GPR107: variants seen among roughly 807,000 people sequenced by gnomAD.
The protein encoded by GPR107 is protein GPR107.
GPR107 carries 31 observed loss-of-function variants against 75.5 expected under a neutral mutation model. The observed-to-expected ratio is 0.41, with a 90% CI of 0.31 to 0.55. The LOEUF is 0.55. Ranked by LOEUF, GPR107 falls within the 20% of genes least tolerant of loss-of-function variation. The pLI is 0.26. For synonymous variants in GPR107, 267 were observed against 251.3 expected (o/e 1.06, Z -0.59); for missense variants, 572 against 665.7 (o/e 0.86, Z 1.55).
chr9:130,105,554 G>T (rs1314149550), intron 13 of GPR107, among the ~76,000 whole-genome samples: 2 of 151,894 alleles, frequency 1.3e-5, no homozygotes, highest in Non-Finnish European at 2.9e-5. Flanking sequence ...ACCGCAGCTG[G>T]CTGAGGTGCT....
rs1831967411 is a variant in GPR107, at chr9:130,136,737, T to A, written c.*1616T>A. 6.6e-6 allele frequency: 1 copy of A among 152,306 alleles called. No individual in the cohort carries two copies. Among genetic ancestry groups the A allele is most frequent in the African/African-American group, 2.4e-5 (1 of 41,470 alleles). 9.4% of individuals were successfully genotyped at this position (152,306 alleles called of 1,614,324 possible). A position where few individuals can be genotyped will look rare whatever the true frequency, so the allele number is the denominator to read the frequency against. On this transcript the variant is annotated 3_prime_UTR_variant, in exon 18 of 18. Transcript: ENST00000347136. ...AATGAGGAAGCGGGTGTTCTTTTTC[T>A]GCACTTTGATTCGCCATCTGGGTTC...
At chr9:130,091,911 G>C (rs1265159583) in intron 8 of GPR107, among the ~76,000 whole-genome samples, 1 of 152,016 alleles carries the variant, frequency 6.6e-6, no homozygotes, top group Non-Finnish European at 1.5e-5. Context: ...GGCCAGGCTG[G>C]TCTTGAACTC....
At chr9:130,075,330 C>T (rs1416063300) in intron 1 of GPR107, among the ~76,000 whole-genome samples, 6 of 150,652 alleles carry the variant, frequency 4.0e-5, no homozygotes, top group Non-Finnish European at 7.4e-5. Context: ...CTGCAACCTC[C>T]ACCTCCCAGG....
chr9:130,136,834 C>T lies in GPR107; in HGVS notation c.*1713C>T, dbSNP rs1472802048. 3.3e-5 allele frequency: 5 copies of T among 152,214 alleles called. No individual in the cohort carries two copies. Among genetic ancestry groups the T allele is most frequent in the Admixed American group, 1.3e-4 (2 of 15,276 alleles). The allele number at this position is 152,214 out of a possible 1,614,324, so 9.4% of individuals were successfully genotyped here. A position where few individuals can be genotyped will look rare whatever the true frequency, so the allele number is the denominator to read the frequency against. ...GAAGAGCAAGCGCCTTCCCAGGCCA[C>T]AGCTGCTCACCTCTCGGCAGATATT... On this transcript the variant is annotated 3_prime_UTR_variant, in exon 18 of 18. Coordinates refer to ENST00000347136, the MANE Select transcript of GPR107 (RefSeq NM_020960.5).
intron 1 of GPR107, among the ~76,000 whole-genome samples, chr9:130,060,402 GTTTTTTTTTTT>G (rs11403227): frequency 5.3e-5 from 4 of 75,904 alleles, no homozygotes; most frequent in Non-Finnish European, 7.1e-5. Context: ...GATAATCCGA[GTTTTTTTTTTT>G]TTTTTTTTTT....
rs773501921 is a variant in GPR107, at chr9:130,100,689, T to C, written c.1000T>C (p.Tyr334His). 7 of 1,609,012 alleles carry C rather than the reference T, an allele frequency of 4.4e-6. No individual in the cohort carries two copies. The highest frequency in any genetic ancestry group is 6.0e-6 in the Non-Finnish European group (7 of 1,175,224). The change falls in exon 11 of 18, where the codon TAC (tyrosine) becomes CAC (histidine). Residue 334 changes from tyrosine to histidine, a missense_variant. Coordinates refer to ENST00000347136, the MANE Select transcript of GPR107 (RefSeq NM_020960.5). ...FPIEGWAVVY[Y>H]ITHLLKGALL... ...TATCGAAGGCTGGGCTGTTGTGTAC[T>C]ACATAACTCACCTGTAAGTATGCAG...
rs140986167 is a variant in GPR107 at position 130,072,957 on chromosome 9, C to T, written c.142-2679C>T. Reference sequence around the variant, plus strand: ...TACTCATTATAAGCAAACAACTCAGCGCATTTCCAGAACGTAGACACACTC... The same window carrying T: ...TACTCATTATAAGCAAACAACTCAGTGCATTTCCAGAACGTAGACACACTC... On this transcript the variant is annotated intron_variant, in intron 1 of 17. Transcript: ENST00000347136. 3.9e-4 allele frequency among the ~76,000 whole-genome samples: 59 copies of T among 152,248 alleles called. No individual in the cohort carries two copies. The Middle Eastern group carries it at 0.01, about 26-fold the overall frequency.
At chr9:130,110,376 G>A (rs1831265543) in intron 14 of GPR107, 1 of 1,534,604 alleles carries the variant, frequency 6.5e-7, no homozygotes, top group Non-Finnish European at 8.8e-7. Context: ...CCAGGTGACA[G>A]CATGGGACCT....
At chr9:130,080,388 C>T (rs1313112499) in intron 5 of GPR107, among the ~76,000 whole-genome samples, 1 of 152,072 alleles carries the variant, frequency 6.6e-6, no homozygotes, top group Non-Finnish European at 1.5e-5. Flanking sequence ...GAATAGTGGG[C>T]ACATTATCAT....
chr9:130,099,059 A>G (rs74642020), intron 9 of GPR107, among the ~76,000 whole-genome samples: 7,641 of 152,122 alleles, frequency 0.05, 199 homozygotes, highest in South Asian at 0.091. Context: ...TGCCTGTAAT[A>G]TCAACACTTT....
At chr9:130,059,329 A>C (rs193243855) in intron 1 of GPR107, among the ~76,000 whole-genome samples, 1 of 152,224 alleles carries the variant, frequency 6.6e-6, no homozygotes, top group Non-Finnish European at 1.5e-5. Context: ...CTCTACTAAA[A>C]ATACAAAAAT....
intron 13 of GPR107, among the ~76,000 whole-genome samples, chr9:130,106,024 G>A (rs977527431): frequency 3.3e-5 from 5 of 152,088 alleles, no homozygotes; most frequent in Non-Finnish European, 5.9e-5. Flanking sequence ...TTAGTCACTC[G>A]GGTATCTAAC....
chr9:130,116,209 G>A (rs542764773), intron 14 of GPR107, among the ~76,000 whole-genome samples: 5 of 152,106 alleles, frequency 3.3e-5, no homozygotes, highest in Non-Finnish European at 7.3e-5. Flanking sequence ...ACTTCAGGGG[G>A]CCCACAGCCA....
chr9:130,063,423 C>T (rs1160477927), intron 1 of GPR107, among the ~76,000 whole-genome samples: 1 of 152,248 alleles, frequency 6.6e-6, no homozygotes, highest in African/African-American at 2.4e-5. Flanking sequence ...ATCTCCTGAC[C>T]TCATGATCTG....
At chr9:130,071,023 C>CTT (rs61429547) in intron 1 of GPR107, among the ~76,000 whole-genome samples, 20 of 106,200 alleles carry the variant, frequency 1.9e-4, no homozygotes, top group East Asian at 2.8e-4. Context: ...CCAGTCCTAA[C>CTT]TTTTTTTTTT....
At chr9:130,119,721 A>G (rs7851378) in intron 14 of GPR107, among the ~76,000 whole-genome samples, 148,259 of 152,296 alleles carry the variant, frequency 0.97, 72,200 homozygotes, top group East Asian at 1. Context: ...GTAGGGCTTG[A>G]GAGCCTCACC....
At chr9:130,065,296 A>G (rs1830042182) in intron 1 of GPR107, among the ~76,000 whole-genome samples, 1 of 151,382 alleles carries the variant, frequency 6.6e-6, no homozygotes, top group Non-Finnish European at 1.5e-5. Context: ...CTAAAAATAC[A>G]AAATATTAGC....
At chr9:130,078,480 A>T (rs559213749) in intron 4 of GPR107, among the ~76,000 whole-genome samples, 1 of 152,360 alleles carries the variant, frequency 6.6e-6, no homozygotes, top group African/African-American at 2.4e-5. Flanking sequence ...TTGATCTGAC[A>T]GTCTCCTGTA....
intron 1 of GPR107, among the ~76,000 whole-genome samples, chr9:130,073,391 G>A (rs1372610971): frequency 1.3e-5 from 2 of 152,140 alleles, no homozygotes; most frequent in Non-Finnish European, 2.9e-5. Context: ...TTTTCCGTGG[G>A]TTTAATTCTC....
Sources: allele counts gnomAD v4.1 joint callset (sites outside exome capture counted in the v4.1 genomes callset), GRCh38; gene constraint gnomAD v4.1.1; transcripts MANE v1.5; gene names NCBI Gene and HGNC (gene_info 2026-07-23, HGNC 2026-07-21).